NRG1: variants seen among roughly 807,000 people sequenced by gnomAD.
NRG1 encodes the protein neuregulin 1.
In NRG1, 18 loss-of-function variants were observed where a neutral mutation model predicts 63.8. That is an observed-to-expected ratio of 0.28 (90% confidence interval 0.19 to 0.42). The LOEUF is 0.42. Among genes scored for constraint, NRG1 ranks in the 10% least tolerant of loss-of-function variants. NRG1 has a pLI of 1.00. For synonymous variants in NRG1, 302 were observed against 301.3 expected, an observed-to-expected ratio of 1.00 and a Z score of -0.02; for missense variants, 762 against 814.7, an observed-to-expected ratio of 0.94 and a Z score of 0.79.
At chr8:31,982,194 T>G (rs1809240213) in intron 1 of NRG1, among the ~76,000 whole-genome samples, 1 of 151,866 alleles carries the variant, frequency 6.6e-6, no homozygotes, top group Admixed American at 6.6e-5. Flanking sequence ...CTCACTGGAG[T>G]CTTCAACAAC....
intron 1 of NRG1, among the ~76,000 whole-genome samples, chr8:31,783,374 G>A (rs578090572): frequency 6.6e-6 from 1 of 152,200 alleles, no homozygotes; most frequent in East Asian, 1.9e-4. Context: ...TGCTGGAGAT[G>A]ATATTTTCCC....
intron 1 of NRG1, among the ~76,000 whole-genome samples, chr8:32,173,075 A>C (rs543560015): frequency 6.6e-6 from 1 of 152,316 alleles, no homozygotes; most frequent in Admixed American, 6.5e-5. Flanking sequence ...AAAAATGTTA[A>C]GGGCAGCCAG....
At chr8:31,703,308 T>G (rs779516394) in intron 1 of NRG1, among the ~76,000 whole-genome samples, 8 of 151,596 alleles carry the variant, frequency 5.3e-5, no homozygotes, top group South Asian at 2.1e-4. Flanking sequence ...ATGCAGAAAA[T>G]TGGAAAGGAG....
At chr8:31,924,661 G>T (rs1834189534) in intron 1 of NRG1, among the ~76,000 whole-genome samples, 1 of 133,576 alleles carries the variant, frequency 7.5e-6, no homozygotes, top group Non-Finnish European at 1.6e-5. Flanking sequence ...CTTTGGGTTT[G>T]ATTTTTCTTT....
chr8:31,938,980 A>G (rs1316134253), intron 1 of NRG1, among the ~76,000 whole-genome samples: 1 of 152,210 alleles, frequency 6.6e-6, no homozygotes, highest in Non-Finnish European at 1.5e-5. Flanking sequence ...AAAAGTTTGG[A>G]AAGCATATTT....
chr8:31,645,592 A>G (rs1367123985), intron 1 of NRG1, among the ~76,000 whole-genome samples: 6 of 152,198 alleles, frequency 3.9e-5, no homozygotes, highest in African/African-American at 1.4e-4. Context: ...TACAATTATT[A>G]GGAAACAGTT....
intron 1 of NRG1, among the ~76,000 whole-genome samples, chr8:32,461,567 G>A (rs910443634): frequency 5.9e-5 from 9 of 151,910 alleles, no homozygotes; most frequent in South Asian, 2.1e-4. Flanking sequence ...GTGTGGTGGC[G>A]GGCGCCTGTA....
chr8:32,670,031 A>G (rs1805225193), intron 5 of NRG1, among the ~76,000 whole-genome samples: 1 of 152,182 alleles, frequency 6.6e-6, no homozygotes, highest in Admixed American at 6.5e-5. Context: ...CATCATGTGC[A>G]TTTTTATGTC....
At position 32,585,445 on chromosome 8, in the gene NRG1, C is replaced by T. The variant is rs1420141197; in HGVS notation, c.101-10383C>T. 3.3e-5 allele frequency among the ~76,000 whole-genome samples: 5 copies of T among 152,152 alleles called. No homozygotes were observed. The East Asian group carries it at 9.7e-4, about 29-fold the overall frequency. ...CTGCTGAACACTTACCTTCCAGCTG[C>T]TGGCCGCGGCGCAGTGATTTGCTCC... On this transcript the variant is annotated intron_variant, in intron 1 of 11. Coordinates refer to ENST00000356819, the Ensembl canonical transcript of NRG1.
intron 1 of NRG1, among the ~76,000 whole-genome samples, chr8:31,703,091 A>T (rs1810788729): frequency 6.7e-6 from 1 of 148,248 alleles, no homozygotes; most frequent in Admixed American, 6.9e-5. Context: ...TTAGGTGCTT[A>T]TCTAGTATGT....
Position 32,416,805 on chromosome 8 carries a change from A to T in NRG1, c.38-179023A>T, listed in dbSNP as rs577055779. Among the ~76,000 whole-genome samples the T allele has an allele frequency of 5.3e-5, 8 of 152,202 alleles. No individual in the cohort carries two copies. In the East Asian group the frequency reaches 1.4e-3, roughly 26 times the overall value. ...TGGGCTCAAGCGATCCTCCTACAAC[A>T]GCCTCTGAAGTCGTTGGGACCACAG... On this transcript the variant is annotated intron_variant, in intron 1 of 10. Transcript: ENST00000519301.
At chr8:32,348,754 A>G (rs1338721615) in intron 1 of NRG1, among the ~76,000 whole-genome samples, 1 of 152,216 alleles carries the variant, frequency 6.6e-6, no homozygotes, top group Non-Finnish European at 1.5e-5. Context: ...TATCTATAAC[A>G]TATATTTTAT....
chr8:32,193,097 T>C (rs375770274), intron 1 of NRG1, among the ~76,000 whole-genome samples: 27 of 152,320 alleles, frequency 1.8e-4, no homozygotes, highest in African/African-American at 6.3e-4. Context: ...CTGATGAATG[T>C]TAATATTGGT....
chr8:32,103,668 CT>C (rs1830866979), intron 1 of NRG1, among the ~76,000 whole-genome samples: 3 of 152,274 alleles, frequency 2.0e-5, no homozygotes, highest in African/African-American at 7.2e-5. Flanking sequence ...AGAACCTCCT[CT>C]TGGGGAGCCA....
intron 1 of NRG1, among the ~76,000 whole-genome samples, chr8:32,330,593 C>T (rs1407993517): frequency 6.6e-6 from 1 of 152,148 alleles, no homozygotes; most frequent in Non-Finnish European, 1.5e-5. Context: ...GGGGTCAGCC[C>T]CTAGGCATTC....
intron 1 of NRG1, among the ~76,000 whole-genome samples, chr8:32,138,716 C>T (rs972722954): frequency 6.6e-6 from 1 of 152,012 alleles, no homozygotes; most frequent in Non-Finnish European, 1.5e-5. Flanking sequence ...GCGCCCACCA[C>T]CAAGCGCAGC....
intron 5 of NRG1, among the ~76,000 whole-genome samples, chr8:32,624,027 T>C (rs1848767435): frequency 6.6e-6 from 1 of 152,194 alleles, no homozygotes; most frequent in Admixed American, 6.5e-5. Flanking sequence ...ATACTTTACA[T>C]TTTATAAGGC....
intron 1 of NRG1, among the ~76,000 whole-genome samples, chr8:32,403,895 T>G (rs1813576576): frequency 6.6e-6 from 1 of 152,246 alleles, no homozygotes; most frequent in African/African-American, 2.4e-5. Flanking sequence ...CTCCCATCCC[T>G]GTCTCTAGCC....
intron 1 of NRG1, among the ~76,000 whole-genome samples, chr8:32,144,047 G>A (rs1313789084): frequency 6.6e-6 from 1 of 152,218 alleles, no homozygotes; most frequent in Non-Finnish European, 1.5e-5. Flanking sequence ...CAGTTAGAAT[G>A]ATGAGTCCAG....
Sources: gnomAD v4.1 joint callset for allele counts (sites outside exome capture counted in the v4.1 genomes callset) on GRCh38, gnomAD v4.1.1 for gene constraint, MANE v1.5 for transcripts, NCBI Gene and HGNC (gene_info 2026-07-23, HGNC 2026-07-21) for gene names.